KALRN: variants seen among roughly 807,000 people sequenced by gnomAD.
KALRN encodes the protein kalirin.
Under a neutral mutation model 353.7 loss-of-function variants are expected in KALRN, and 70 were observed. The observed-to-expected ratio is 0.20, with a 90% CI of 0.16 to 0.24. The LOEUF is 0.24. Among genes scored for constraint, KALRN ranks in the 10% least tolerant of loss-of-function variants. KALRN has a pLI of 1.00. For synonymous variants in KALRN, 1,391 were observed against 1,434.8 expected (o/e 0.97, Z 0.69); for missense variants, 2,791 against 3,756.7 (o/e 0.74, Z 6.72).
intron 51 of KALRN, chr3:124,679,844 A>C (rs2087587109): frequency 2.6e-6 from 1 of 390,986 alleles, no homozygotes; most frequent in Non-Finnish European, 4.9e-6. Flanking sequence ...TTTTCATGGA[A>C]AACAGCACTG....
intron 1 of KALRN, among the ~76,000 whole-genome samples, chr3:124,083,427 G>T (rs1005117579): frequency 6.6e-6 from 1 of 152,114 alleles, no homozygotes; most frequent in Non-Finnish European, 1.5e-5. Flanking sequence ...AAGGCAGGAT[G>T]GGAAACAGTG....
At chr3:124,339,458 TG>T (rs1211801096) in intron 9 of KALRN, among the ~76,000 whole-genome samples, 1 of 152,198 alleles carries the variant, frequency 6.6e-6, no homozygotes, top group Non-Finnish European at 1.5e-5. Context: ...TGATCATATT[TG>T]TTCCAAAGAG....
At chr3:124,559,119 C>T (rs182948387) in intron 33 of KALRN, among the ~76,000 whole-genome samples, 1 of 152,218 alleles carries the variant, frequency 6.6e-6, no homozygotes, top group African/African-American at 2.4e-5. Context: ...CGAAATGTCC[C>T]TTATGTATGT....
intron 33 of KALRN, among the ~76,000 whole-genome samples, chr3:124,542,333 T>C (rs2069124073): frequency 6.6e-6 from 1 of 152,204 alleles, no homozygotes; most frequent in Non-Finnish European, 1.5e-5. Flanking sequence ...ACTTTGAGCC[T>C]CAAATTTCTG....
At chr3:124,662,442 TTA>T (rs2085013118) in intron 45 of KALRN, among the ~76,000 whole-genome samples, 1 of 152,094 alleles carries the variant, frequency 6.6e-6, no homozygotes, top group African/African-American at 2.4e-5. Flanking sequence ...CCAGAGTTCT[TTA>T]TGAGTGTTTA....
chr3:124,421,302 C>T (rs527692591), intron 14 of KALRN, among the ~76,000 whole-genome samples: 48 of 152,224 alleles, frequency 3.2e-4, no homozygotes, highest in South Asian at 1.9e-3. Context: ...TGCAACAAGT[C>T]GGAGACAGTT....
At chr3:124,662,739 G>A (rs2085056225) in intron 45 of KALRN, among the ~76,000 whole-genome samples, 2 of 152,180 alleles carry the variant, frequency 1.3e-5, no homozygotes, top group Admixed American at 1.3e-4. Flanking sequence ...CCAAAACAAA[G>A]TACCATAAAT....
At position 124,294,758 on chromosome 3, in the gene KALRN, A is replaced by G. The variant is rs10511425; in HGVS notation, c.970-4033A>G. On this transcript the variant is annotated intron_variant, in intron 5 of 59. Coordinates refer to ENST00000682506, the MANE Select transcript of KALRN (RefSeq NM_001388419.1). ...ATTTTATTCAAAAAGATAGAAATGTAAGTTGTAGCAATGAATATATCTTCT... is the reference window on the plus strand; with the variant it reads ...ATTTTATTCAAAAAGATAGAAATGTGAGTTGTAGCAATGAATATATCTTCT... Among the ~76,000 whole-genome samples the G allele has an allele frequency of 0.046, 6,929 of 152,156 alleles. 757 individuals carry two copies. In the East Asian group the frequency reaches 0.47, roughly 10 times the overall value.
Position 124,668,043 on chromosome 3 carries a change from GACACACACACACACAC to G in KALRN, c.6703+896_6703+911del, listed in dbSNP as rs55672121. ...GAAAACACATATGCCTGTATATCGA[GACACACACACACACAC>G]ACACACACACACACACACACACACA... is the stretch of plus-strand genomic sequence containing the variant. On this transcript the variant is annotated intron_variant, in intron 47 of 59. Transcript: ENST00000682506. Among the ~76,000 whole-genome samples, 430 of 138,412 alleles carry G rather than the reference GACACACACACACACAC, an allele frequency of 3.1e-3. 7 individuals carry two copies. The highest frequency in any genetic ancestry group is 0.019 in the South Asian group (77 of 3,986). 90.8% of individuals were successfully genotyped at this position (138,412 alleles called of 152,430 possible).
At position 124,551,490 on chromosome 3, in the gene KALRN, TTGG is replaced by T. The variant is rs576424186; in HGVS notation, c.4936-11347_4936-11345del. On this transcript the variant is annotated intron_variant, in intron 33 of 59. Coordinates refer to ENST00000682506, the MANE Select transcript of KALRN (RefSeq NM_001388419.1). ...CAGCACAGCTGGAGATGGGCTCATG[TTGG>T]TGGTGCTCAGCAACTGACCTAGAAA... Among the ~76,000 whole-genome samples, 332 of 152,220 alleles carry T rather than the reference TTGG, an allele frequency of 2.2e-3. 2 individuals carry two copies. The highest frequency in any genetic ancestry group is 3.5e-3 in the Non-Finnish European group (237 of 68,000).
intron 57 of KALRN, among the ~76,000 whole-genome samples, chr3:124,703,364 G>A (rs996114829): frequency 2.0e-5 from 3 of 152,084 alleles, no homozygotes; most frequent in Non-Finnish European, 4.4e-5. Context: ...AGTATCTATA[G>A]TATTCTAGAT....
At chr3:124,110,620 G>A (rs577763150) in intron 1 of KALRN, among the ~76,000 whole-genome samples, 41 of 152,086 alleles carry the variant, frequency 2.7e-4, no homozygotes, top group Admixed American at 1.0e-3. Context: ...TGGCCTTGAA[G>A]CCAAGAATGA....
intron 1 of KALRN, among the ~76,000 whole-genome samples, chr3:124,108,577 T>A (rs2062542175): frequency 6.6e-6 from 1 of 152,182 alleles, no homozygotes; most frequent in Non-Finnish European, 1.5e-5. Context: ...AGTCAGGTAT[T>A]TCATTTCCAA....
intron 55 of KALRN, 74 bp downstream of exon 55, chr3:124,697,798 C>G: frequency 1.5e-6 from 2 of 1,354,120 alleles, no homozygotes; most frequent in Non-Finnish European, 2.0e-6. Flanking sequence ...CAGTAAAACA[C>G]ACATAATAAA....
intron 5 of KALRN, among the ~76,000 whole-genome samples, chr3:124,285,435 A>T (rs186642363): frequency 6.6e-6 from 1 of 152,328 alleles, no homozygotes; most frequent in East Asian, 1.9e-4. Context: ...ATACACTGAA[A>T]GCTCCAAGAC....
intron 34 of KALRN, among the ~76,000 whole-genome samples, chr3:124,564,005 C>CAAAAAAAA (rs56072904): frequency 1.0e-5 from 1 of 96,442 alleles, no homozygotes; most frequent in Non-Finnish European, 2.1e-5. Flanking sequence ...GACTCTGTCT[C>CAAAAAAAA]AAAAAAAAAA....
chr3:124,228,271 C>T (rs2078795310), intron 2 of KALRN, among the ~76,000 whole-genome samples: 1 of 152,170 alleles, frequency 6.6e-6, no homozygotes. Flanking sequence ...ACACCCAGAA[C>T]CAAAGGGACA....
At chr3:124,387,328 A>G (rs1455600095) in intron 11 of KALRN, among the ~76,000 whole-genome samples, 1 of 152,256 alleles carries the variant, frequency 6.6e-6, no homozygotes, top group Non-Finnish European at 1.5e-5. Flanking sequence ...GTGGTGTGAT[A>G]CAGGGGGCAG....
At chr3:124,161,072 G>A (rs1368802806) in intron 1 of KALRN, among the ~76,000 whole-genome samples, 2 of 152,152 alleles carry the variant, frequency 1.3e-5, no homozygotes, top group Non-Finnish European at 2.9e-5. Flanking sequence ...ATGTGAAAAT[G>A]TGAATGGACT....
Sources: allele counts gnomAD v4.1 joint callset (sites outside exome capture counted in the v4.1 genomes callset), GRCh38; gene constraint gnomAD v4.1.1; transcripts MANE v1.5; gene names NCBI Gene and HGNC (gene_info 2026-07-23, HGNC 2026-07-21).